Variants in CTDSPL observed in about 807,000 individuals in gnomAD.
The protein encoded by CTDSPL is CTD small phosphatase-like protein.
Under a neutral mutation model 30.5 loss-of-function variants are expected in CTDSPL, and 8 were observed. That is an observed-to-expected ratio of 0.26 (90% CI 0.15 to 0.47). The LOEUF (loss-of-function observed/expected upper bound fraction) is 0.47. Among genes scored for constraint, CTDSPL ranks in the 20% least tolerant of loss-of-function variants. The probability of loss-of-function intolerance (pLI) is 0.99; values close to 1 mark genes in which losing one functional copy is unlikely to be tolerated. For synonymous variants in CTDSPL, 110 were observed against 137.9 expected, an observed-to-expected ratio of 0.80 and a Z score of 1.42; for missense variants, 248 against 366.1, an observed-to-expected ratio of 0.68 and a Z score of 2.63.
intron 1 of CTDSPL, among the ~76,000 whole-genome samples, chr3:37,868,486 T>C (rs976121493): frequency 5.3e-5 from 8 of 152,090 alleles, no homozygotes; most frequent in African/African-American, 1.7e-4. Context: ...ACTCTCTGCC[T>C]AGCACTAGAT....
intron 1 of CTDSPL, among the ~76,000 whole-genome samples, chr3:37,912,072 A>G (rs1043951358): frequency 6.6e-6 from 1 of 152,220 alleles, no homozygotes; most frequent in African/African-American, 2.4e-5. Context: ...AACCGTCATT[A>G]GGAAAACCTC....
At chr3:37,931,345 C>T (rs894048757) in intron 1 of CTDSPL, among the ~76,000 whole-genome samples, 4 of 151,950 alleles carry the variant, frequency 2.6e-5, no homozygotes, top group Non-Finnish European at 5.9e-5. Flanking sequence ...GATGGGGTCT[C>T]ACTGTGTTTC....
intron 1 of CTDSPL, among the ~76,000 whole-genome samples, chr3:37,889,073 AT>A (rs1311349260): frequency 3.9e-5 from 6 of 152,154 alleles, no homozygotes; most frequent in Non-Finnish European, 8.8e-5. Flanking sequence ...TGGAATGAAG[AT>A]TTTCTTTTTA....
intron 1 of CTDSPL, among the ~76,000 whole-genome samples, chr3:37,946,711 G>A (rs1699042979): frequency 6.6e-6 from 1 of 152,172 alleles, no homozygotes; most frequent in South Asian, 2.1e-4. Flanking sequence ...AGTGCTTGGT[G>A]CAGGGTGGGA....
intron 3 of CTDSPL, among the ~76,000 whole-genome samples, chr3:37,960,535 T>C (rs7647826): frequency 0.19 from 3,116 of 16,018 alleles, 407 homozygotes; most frequent in African/African-American, 0.27. Flanking sequence ...TATATATATA[T>C]ACACACACAC....
intron 1 of CTDSPL, among the ~76,000 whole-genome samples, chr3:37,904,137 C>T (rs1390289558): frequency 6.8e-6 from 1 of 147,804 alleles, no homozygotes; most frequent in Non-Finnish European, 1.5e-5. Context: ...GGCTGGCTGC[C>T]TGTCAGACTG....
intron 4 of CTDSPL, among the ~76,000 whole-genome samples, chr3:37,964,928 C>T (rs997209187): frequency 6.6e-6 from 1 of 152,166 alleles, no homozygotes; most frequent in East Asian, 1.9e-4. Context: ...TTGCATTTTC[C>T]AATGCTGTAA....
intron 2 of CTDSPL, among the ~76,000 whole-genome samples, chr3:37,951,214 A>C (rs948799752): frequency 6.6e-6 from 1 of 152,046 alleles, no homozygotes; most frequent in African/African-American, 2.4e-5. Flanking sequence ...AAAAAATACA[A>C]AAAATTAGCT....
chr3:37,932,632 A>C (rs2125615820), intron 1 of CTDSPL, among the ~76,000 whole-genome samples: 2 of 152,366 alleles, frequency 1.3e-5, no homozygotes, highest in Admixed American at 1.3e-4. Flanking sequence ...TGCTGTTTTT[A>C]CCTTTCAGAC....
At chr3:37,864,880 T>C (rs1448551662) in intron 1 of CTDSPL, among the ~76,000 whole-genome samples, 2 of 152,228 alleles carry the variant, frequency 1.3e-5, no homozygotes, top group Non-Finnish European at 2.9e-5. Flanking sequence ...ACATGTTTAC[T>C]TTCATCATTT....
intron 1 of CTDSPL, among the ~76,000 whole-genome samples, chr3:37,905,075 G>T (rs1468540996): frequency 6.6e-6 from 1 of 152,190 alleles, no homozygotes; most frequent in Non-Finnish European, 1.5e-5. Flanking sequence ...CAAACACGGG[G>T]ACTCAGAAAA....
At chr3:37,881,021 C>CAAAA (rs200179594) in intron 1 of CTDSPL, among the ~76,000 whole-genome samples, 7 of 84,220 alleles carry the variant, frequency 8.3e-5, no homozygotes, top group Non-Finnish European at 1.0e-4. Context: ...TGAGGGGGAC[C>CAAAA]AAAAAAAAAA....
rs1399193658 is a variant in CTDSPL, at chr3:37,862,236, C to T, written c.37C>T (p.Pro13Ser). ...GPAIITQVTN[P>S]KEDEGRLPGA... is the part of the protein sequence containing the mutation. ...GGCCATCATCACCCAGGTGACCAAC[C>T]CCAAGGAGGACGAGGGCCGGTTGCC... is the stretch of plus-strand genomic sequence containing the variant. Residue 13 changes from proline (P) to serine (S), a missense_variant, in exon 1 of 8, where the codon CCC becomes TCC. Transcript: ENST00000273179. This position sits in a 1 kb window ranked among gnomAD's most constrained non-coding sequence, Gnocchi z 4.3. 6.7e-7 allele frequency: 1 copy of T among 1,486,476 alleles called. No homozygotes were observed. The highest frequency in any genetic ancestry group is 8.9e-7 in the Non-Finnish European group (1 of 1,121,438). 92.1% of individuals were successfully genotyped at this position (1,486,476 alleles called of 1,614,324 possible). A position where few individuals can be genotyped will look rare whatever the true frequency, so the allele number is the denominator to read the frequency against.
At chr3:37,913,516 CAG>C (rs368930317) in intron 1 of CTDSPL, among the ~76,000 whole-genome samples, 2 of 152,090 alleles carry the variant, frequency 1.3e-5, no homozygotes, top group African/African-American at 4.8e-5. Context: ...ACCTGGAAAA[CAG>C]AGGGGGAATG....
chr3:37,959,636 T>A (rs1216102053), intron 3 of CTDSPL, among the ~76,000 whole-genome samples: 1 of 152,260 alleles, frequency 6.6e-6, no homozygotes, highest in African/African-American at 2.4e-5. Flanking sequence ...TGGCATTTAC[T>A]TTGTTTCCAC....
intron 1 of CTDSPL, among the ~76,000 whole-genome samples, chr3:37,876,499 T>C (rs1443566936): frequency 6.6e-6 from 1 of 152,194 alleles, no homozygotes; most frequent in East Asian, 1.9e-4. Flanking sequence ...TTTTAAATTT[T>C]AGCCATTATA....
chr3:37,963,603 C>T (rs577114374), intron 3 of CTDSPL, among the ~76,000 whole-genome samples: 10 of 152,234 alleles, frequency 6.6e-5, no homozygotes, highest in Non-Finnish European at 1.3e-4. Flanking sequence ...ATTGAATATG[C>T]CACAAAGTAG....
intron 2 of CTDSPL, among the ~76,000 whole-genome samples, chr3:37,951,151 A>G (rs566419972): frequency 6.7e-6 from 1 of 149,510 alleles, no homozygotes; most frequent in East Asian, 2.0e-4. Flanking sequence ...GCAGATCACG[A>G]GGTCAGGAGA....
intron 1 of CTDSPL, among the ~76,000 whole-genome samples, chr3:37,915,742 T>G (rs1478789926): frequency 6.6e-6 from 1 of 152,238 alleles, no homozygotes; most frequent in Non-Finnish European, 1.5e-5. Flanking sequence ...CACCTTTATT[T>G]GTAGCCTTTG....
Sources: gnomAD v4.1 joint callset for allele counts (sites outside exome capture counted in the v4.1 genomes callset) on GRCh38, gnomAD v4.1.1 for gene constraint, Gnocchi (gnomAD v3.1) non-coding constraint, MANE v1.5 for transcripts, NCBI Gene and HGNC (gene_info 2026-07-23, HGNC 2026-07-21) for gene names.